The following TLE1 variants were observed in gnomAD, a reference collection of about 807,000 sequenced individuals.
TLE1 encodes TLE family member 1, transcriptional corepressor, also known as transducin-like enhancer protein 1.
TLE1 carries 21 observed loss-of-function variants against 89.8 expected under a neutral mutation model. The observed-to-expected ratio is 0.23, with a 90% CI of 0.17 to 0.34. The LOEUF is 0.34. Ranked by LOEUF, TLE1 falls within the 10% of genes least tolerant of loss-of-function variation. The pLI, the probability that TLE1 is intolerant of heterozygous loss-of-function variation, is 1.00. For missense variants in TLE1, 795 were observed against 1,031.2 expected, an observed-to-expected ratio of 0.77 and a Z score of 3.14; for synonymous variants, 447 against 407.6, an observed-to-expected ratio of 1.10 and a Z score of -1.16.
chr9:81,685,284 TCCC>T (rs755669409), intron 4 of TLE1, among the ~76,000 whole-genome samples: 3 of 151,976 alleles, frequency 2.0e-5, no homozygotes, highest in African/African-American at 4.8e-5. Flanking sequence ...TACCCTTCTT[TCCC>T]CCCAACAGGT....
chr9:81,634,110 T>C lies in TLE1; in HGVS notation c.564A>G (p.Ala188=). 1 of 1,608,624 alleles carries C rather than the reference T, an allele frequency of 6.2e-7. No individual in the cohort carries two copies. The highest frequency in any genetic ancestry group is 8.5e-7 in the Non-Finnish European group (1 of 1,177,140). Residue 188 remains alanine, a synonymous_variant, in exon 7 of 20, where the codon GCA becomes GCG. Transcript: ENST00000376499. ...CCGGCCTCTCACCTCTGTGGTGCTCTGCATCGTGGTGCTTCTTGTCATCTT... is the reference window on the plus strand; with the variant it reads ...CCGGCCTCTCACCTCTGTGGTGCTCCGCATCGTGGTGCTTCTTGTCATCTT... The part of the protein sequence containing the change: ...AIKDDKKHHD[A]EHHRDREPGT...
At chr9:81,642,018 A>G (rs927998186) in intron 6 of TLE1, among the ~76,000 whole-genome samples, 3 of 151,004 alleles carry the variant, frequency 2.0e-5, no homozygotes, top group Non-Finnish European at 4.4e-5. Context: ...GCAAAACTCC[A>G]TCTCCAAAAA....
intron 14 of TLE1, among the ~76,000 whole-genome samples, chr9:81,608,939 A>G (rs1353861389): frequency 1.3e-5 from 2 of 152,080 alleles, no homozygotes; most frequent in Non-Finnish European, 2.9e-5. Flanking sequence ...CCGTCTCAAA[A>G]ATAATAAAAA....
intron 6 of TLE1, among the ~76,000 whole-genome samples, chr9:81,650,361 G>A (rs758342304): frequency 6.6e-6 from 1 of 152,172 alleles, no homozygotes; most frequent in South Asian, 2.1e-4. Context: ...ATTATATGTC[G>A]TAATGTAGAG....
intron 4 of TLE1, among the ~76,000 whole-genome samples, chr9:81,672,355 T>G (rs1832331562): frequency 6.6e-6 from 1 of 151,806 alleles, no homozygotes; most frequent in Non-Finnish European, 1.5e-5. Context: ...TTATTTGAGA[T>G]GGAGTTTCAC....
intron 16 of TLE1, 57 bp downstream of exon 16, chr9:81,590,748 T>C: frequency 3.8e-6 from 6 of 1,581,506 alleles, no homozygotes; most frequent in Non-Finnish European, 5.2e-6. Context: ...GAAGCAGAGG[T>C]GATAGGCCCA....
At chr9:81,625,155 A>C (rs755734666) in intron 8 of TLE1, among the ~76,000 whole-genome samples, 1 of 152,194 alleles carries the variant, frequency 6.6e-6, no homozygotes, top group African/African-American at 2.4e-5. Context: ...CATATACTCC[A>C]TAAGAAGGGA....
rs189009632 is a variant in TLE1 at position 81,587,221 on chromosome 9, G to A, written c.1977+460C>T. Among the ~76,000 whole-genome samples, 517 of 152,226 alleles carry A rather than the reference G, an allele frequency of 3.4e-3. 6 individuals are homozygous for A. Among genetic ancestry groups the A allele is most frequent in the Admixed American group, 6.7e-3 (103 of 15,284 alleles). On this transcript the variant is annotated intron_variant, in intron 17 of 19. Coordinates refer to ENST00000376499, the MANE Select transcript of TLE1 (RefSeq NM_005077.5). The stretch of plus-strand genomic sequence containing the variant: ...TCTGTGCATTTTTTTGAGCTCTCTG[G>A]TGCGGGGTAAATAAATGAACTTTCA...
intron 14 of TLE1, among the ~76,000 whole-genome samples, chr9:81,608,085 G>A (rs1019438537): frequency 2.0e-5 from 3 of 152,188 alleles, no homozygotes; most frequent in African/African-American, 4.8e-5. Context: ...ACCACACAAG[G>A]ATGACCGGGC....
rs539762183 is a variant in TLE1 at position 81,605,569 on chromosome 9, T to C, written c.1331+4651A>G. Among the ~76,000 whole-genome samples the C allele has an allele frequency of 2.6e-5, 4 of 152,220 alleles. No individual in the cohort carries two copies. The South Asian group carries it at 6.2e-4, about 24-fold the overall frequency. ...ATTAATAGATATGGGCAGTCATACG[T>C]AGAAAGCTGAAACTGAATCCCTTCC... On this transcript the variant is annotated intron_variant, in intron 14 of 19. Transcript: ENST00000376499.
chr9:81,687,319 C>A lies in TLE1; in HGVS notation c.125+15G>T. On this transcript the variant is annotated intron_variant, in intron 2 of 19. Transcript: ENST00000376499. ...GACGCCCGCGACCACTCGCATGGCG[C>A]GGCCGGACACGCACCTGTGATACTG... The A allele has an allele frequency of 6.3e-7, 1 of 1,592,038 alleles. No homozygotes were observed.
intron 16 of TLE1, 79 bp from the exon 17 acceptor site, chr9:81,587,907 C>CAT (rs1828757425): frequency 2.8e-5 from 21 of 753,856 alleles, no homozygotes; most frequent in Middle Eastern, 3.1e-4. Flanking sequence ...AGTTTTGGAC[C>CAT]GTGTGTGTGT....
chr9:81,636,823 TG>T (rs993244926), intron 6 of TLE1, among the ~76,000 whole-genome samples: 3 of 106,936 alleles, frequency 2.8e-5, no homozygotes, highest in Admixed American at 1.1e-4. Context: ...GCCAAGATGG[TG>T]AAACCCCGTC....
chr9:81,635,992 C>T (rs922318924), intron 6 of TLE1, among the ~76,000 whole-genome samples: 4 of 152,082 alleles, frequency 2.6e-5, no homozygotes, highest in Non-Finnish European at 5.9e-5. Flanking sequence ...GATTCCATCT[C>T]TATTTAAAAA....
At chr9:81,617,814 A>C (rs1156407084) in intron 9 of TLE1, among the ~76,000 whole-genome samples, 1 of 152,216 alleles carries the variant, frequency 6.6e-6, no homozygotes, top group Non-Finnish European at 1.5e-5. Flanking sequence ...TCACGAGGTC[A>C]GGAGCTCGAG....
At chr9:81,686,093 G>A (rs1034132659) in intron 2 of TLE1, among the ~76,000 whole-genome samples, 197 bp from the exon 3 acceptor site, 6 of 152,132 alleles carry the variant, frequency 3.9e-5, no homozygotes, top group African/African-American at 1.2e-4. Flanking sequence ...TGTCCATTCA[G>A]CTACCATTCT....
intron 4 of TLE1, among the ~76,000 whole-genome samples, chr9:81,654,876 A>C (rs1278887847): frequency 6.6e-6 from 1 of 152,160 alleles, no homozygotes; most frequent in Non-Finnish European, 1.5e-5. Context: ...TAAGTCTCAA[A>C]CTTTCAAACA....
chr9:81,610,458 A>G (rs1179044164), intron 13 of TLE1, among the ~76,000 whole-genome samples, 162 bp from the exon 14 acceptor site: 2 of 152,200 alleles, frequency 1.3e-5, no homozygotes, highest in African/African-American at 2.4e-5. Context: ...AAGAGGTAAT[A>G]TAAGCACCCC....
intron 17 of TLE1, among the ~76,000 whole-genome samples, 160 bp downstream of exon 17, chr9:81,587,521 G>T (rs1828687874): frequency 6.6e-6 from 1 of 152,120 alleles, no homozygotes; most frequent in African/African-American, 2.4e-5. Context: ...CGTGAAGGAG[G>T]AGGTGGTGGT....
Sources: allele counts gnomAD v4.1 joint callset (sites outside exome capture counted in the v4.1 genomes callset), GRCh38; gene constraint gnomAD v4.1.1; transcripts MANE v1.5; gene names NCBI Gene and HGNC (gene_info 2026-07-23, HGNC 2026-07-21).